Variants in CPM observed in about 807,000 individuals in gnomAD.
CPM encodes the protein renal carboxypeptidase.
Under a neutral mutation model 46.4 loss-of-function variants are expected in CPM, and 35 were observed. The observed-to-expected ratio is 0.75, with a 90% confidence interval of 0.58 to 1.00. CPM has a LOEUF of 1.00. Among genes scored for constraint, CPM ranks in the 50% least tolerant of loss-of-function variants. The probability of loss-of-function intolerance (pLI) is 0.00; values close to 1 mark genes in which losing one functional copy is unlikely to be tolerated. For synonymous variants in CPM, 195 were observed against 195.3 expected (o/e 1.00, Z 0.01); for missense variants, 422 against 530.4 (o/e 0.80, Z 2.01).
intron 2 of CPM, among the ~76,000 whole-genome samples, chr12:68,909,915 C>A (rs112093404): frequency 1.3e-5 from 2 of 151,512 alleles, no homozygotes; most frequent in South Asian, 2.1e-4. Flanking sequence ...CAGCAAACCA[C>A]CATGGCACAT....
intron 2 of CPM, among the ~76,000 whole-genome samples, chr12:68,931,023 A>G (rs1888477252): frequency 6.6e-6 from 1 of 152,204 alleles, no homozygotes; most frequent in African/African-American, 2.4e-5. Flanking sequence ...ATGATTTCAG[A>G]AGGCTGAATA....
rs766096433 is a variant in CPM at position 68,856,644 on chromosome 12, C to T, written c.1125G>A (p.Lys375=). 3.7e-6 allele frequency: 6 copies of T among 1,614,200 alleles called. No individual in the cohort carries two copies. In the Admixed American group the frequency reaches 1.0e-4, roughly 27 times the overall value. ...TCTGGGATTTCTCCGGAATAATCACCTTTGTGATGTGTGGATCATGTCCAG... is the reference window on the plus strand; with the variant it reads ...TCTGGGATTTCTCCGGAATAATCACTTTTGTGATGTGTGGATCATGTCCAG... The part of the protein sequence containing the change: ...TVPGHDPHIT[K]VIIPEKSQNF... Residue 375 remains lysine, a synonymous_variant, in exon 9 of 9, where the codon AAG becomes AAA. Coordinates refer to ENST00000551568, the MANE Select transcript of CPM (RefSeq NM_198320.5).
rs946272446 is a variant in CPM at position 68,853,496 on chromosome 12, T to C, written c.*2941A>G. 2.6e-5 allele frequency: 4 copies of C among 152,194 alleles called. No individual in the cohort carries two copies. The highest frequency in any genetic ancestry group is 7.2e-5 in the African/African-American group (3 of 41,434). 9.4% of individuals were successfully genotyped at this position (152,194 alleles called of 1,614,324 possible). On this transcript the variant is annotated 3_prime_UTR_variant, in exon 9 of 9. Transcript: ENST00000551568. The stretch of plus-strand genomic sequence containing the variant: ...ATTTGTTTATATTTATTAACATGTA[T>C]GATTTTGTGCATGTAGAATAAGCTT...
intron 3 of CPM, among the ~76,000 whole-genome samples, chr12:68,875,487 A>T (rs113495066): frequency 0.051 from 7,723 of 152,070 alleles, 667 homozygotes; most frequent in African/African-American, 0.18. Flanking sequence ...AGTTTTTAAT[A>T]ATCTTTTTTC....
At chr12:68,929,917 T>C (rs764319535) in intron 2 of CPM, among the ~76,000 whole-genome samples, 5 of 152,194 alleles carry the variant, frequency 3.3e-5, no homozygotes, top group Non-Finnish European at 7.3e-5. Context: ...ATATGTGATA[T>C]GCATATATTT....
chr12:68,934,909 T>G (rs1046114640), upstream of CPM, among the ~76,000 whole-genome samples: 4 of 152,190 alleles, frequency 2.6e-5, no homozygotes, highest in African/African-American at 4.8e-5. Flanking sequence ...TTTTAATTTT[T>G]TATTTCTTTC....
intron 1 of CPM, 133 bp from the exon 2 acceptor site, chr12:68,932,973 C>T: frequency 1.4e-6 from 1 of 739,932 alleles, no homozygotes; most frequent in Non-Finnish European, 2.2e-6. Flanking sequence ...GAGGCAAAAG[C>T]TGGAAGCAAC....
At chr12:68,936,655 A>T (rs142936151), upstream of CPM, among the ~76,000 whole-genome samples, 581 of 152,330 alleles carry the variant, frequency 3.8e-3, no homozygotes, top group African/African-American at 0.013. Flanking sequence ...GAGTGCTGGG[A>T]TTACAGGTGT....
downstream of CPM, chr12:68,851,130 G>A (rs1467171232): frequency 6.6e-6 from 1 of 152,390 alleles, no homozygotes; most frequent in Non-Finnish European, 1.5e-5. Flanking sequence ...TGTTATACTT[G>A]CATAAGTACT....
At chr12:68,931,767 G>GAAAGAAAT (rs1555201168) in intron 2 of CPM, among the ~76,000 whole-genome samples, 35 of 95,670 alleles carry the variant, frequency 3.7e-4, no homozygotes, top group African/African-American at 1.5e-3. Context: ...AAAAAAAAAA[G>GAAAGAAAT]AAAGAAAGAA....
At chr12:68,932,066 C>CAT (rs1157867702) in intron 2 of CPM, among the ~76,000 whole-genome samples, 1 of 152,128 alleles carries the variant, frequency 6.6e-6, no homozygotes, top group East Asian at 1.9e-4. Flanking sequence ...ATTTTAAAAA[C>CAT]AGCCTTTAAT....
At chr12:68,873,776 T>G (rs1229627734) in intron 3 of CPM, among the ~76,000 whole-genome samples, 1 of 152,048 alleles carries the variant, frequency 6.6e-6, no homozygotes, top group African/African-American at 2.4e-5. Context: ...GACTTCAACT[T>G]TTTTTCCTAC....
chr12:68,932,826 C>T lies in CPM; in HGVS notation c.12G>A (p.Pro4=). MDF[P]CLWLGLLLPL... Reference sequence around the variant, plus strand: ...GCAGCAACAGCCCTAGCCAGAGGCACGGGAAGTCCATGTTCTAGAGATGAA... The same window carrying T: ...GCAGCAACAGCCCTAGCCAGAGGCATGGGAAGTCCATGTTCTAGAGATGAA... The change falls in exon 2 of 9, where the codon CCG becomes CCA. Residue 4 remains proline (P), a synonymous_variant. Transcript: ENST00000551568. The T allele has an allele frequency of 1.9e-6, 3 of 1,614,018 alleles. No homozygotes were observed. Among genetic ancestry groups the T allele is most frequent in the Non-Finnish European group, 2.5e-6 (3 of 1,179,982 alleles).
At chr12:68,913,356 T>G (rs750502) in intron 2 of CPM, among the ~76,000 whole-genome samples, 8,540 of 152,148 alleles carry the variant, frequency 0.056, 559 homozygotes, top group African/African-American at 0.16. Context: ...CATTTTGAGA[T>G]AGTTGGAGTA....
intron 1 of CPM, chr12:68,957,351 A>G: frequency 5.0e-6 from 1 of 200,110 alleles, no homozygotes; most frequent in Non-Finnish European, 1.1e-5. Context: ...TCATGGACAC[A>G]GCTCTCTGGT....
intron 3 of CPM, among the ~76,000 whole-genome samples, chr12:68,874,641 C>T (rs1339042693): frequency 2.6e-5 from 4 of 151,850 alleles, no homozygotes; most frequent in Non-Finnish European, 4.4e-5. Flanking sequence ...TGAAAAAGAT[C>T]GTTGGTTTAA....
chr12:68,879,424 TG>T (rs1055307725), intron 3 of CPM, among the ~76,000 whole-genome samples: 3 of 152,116 alleles, frequency 2.0e-5, no homozygotes, highest in Admixed American at 2.0e-4. Context: ...AGTACAGTGG[TG>T]TGATCATGGC....
At chr12:68,886,338 A>G (rs994469763) in intron 2 of CPM, among the ~76,000 whole-genome samples, 2 of 151,964 alleles carry the variant, frequency 1.3e-5, no homozygotes, top group East Asian at 1.9e-4. Flanking sequence ...CAACAGCAAT[A>G]AAAGTAACTC....
intron 2 of CPM, among the ~76,000 whole-genome samples, chr12:68,912,963 C>T (rs544455050): frequency 3.6e-4 from 55 of 152,288 alleles, no homozygotes; most frequent in African/African-American, 1.3e-3. Context: ...GTGGTGAGGA[C>T]TGATGTAGTT....
Sources: allele counts gnomAD v4.1 joint callset (sites outside exome capture counted in the v4.1 genomes callset), GRCh38; gene constraint gnomAD v4.1.1; transcripts MANE v1.5; gene names NCBI Gene and HGNC (gene_info 2026-07-23, HGNC 2026-07-21).